Variants in ZC3H3 observed in about 807,000 individuals in gnomAD.
ZC3H3 encodes the protein zinc finger CCCH domain-containing protein 3.
ZC3H3 carries 36 observed loss-of-function variants against 77.3 expected under a neutral mutation model. The observed-to-expected ratio is 0.47, with a 90% CI of 0.36 to 0.61. The LOEUF is 0.61. Among genes scored for constraint, ZC3H3 ranks in the 20% least tolerant of loss-of-function variants. ZC3H3 has a pLI of 0.00. For missense variants in ZC3H3, 1,331 were observed against 1,312.2 expected (o/e 1.01, Z -0.22); for synonymous variants, 626 against 555.2 (o/e 1.13, Z -1.79).
Position 143,538,868 on chromosome 8 carries a change from G to A in ZC3H3, c.499C>T (p.Pro167Ser), listed in dbSNP as rs768569769. ...CTCGAGGGCTGCAGCTGTCCCCGAG[G>A]GGGCTCACCTTCACCTTCCCGGGGC... ...QRPREGEGEP[P>S]RGQLQPSRPT... is the part of the protein sequence containing the mutation. The change falls in exon 2 of 12, where the codon CCT becomes TCT. Residue 167 changes from proline (P) to serine (S), a missense_variant. Transcript: ENST00000262577. 2 of 1,612,552 alleles carry A rather than the reference G, an allele frequency of 1.2e-6. No homozygotes were observed. Among genetic ancestry groups the A allele is most frequent in the Non-Finnish European group, 1.7e-6 (2 of 1,179,774 alleles).
At chr8:143,497,736 G>A (rs1243312852) in intron 4 of ZC3H3, among the ~76,000 whole-genome samples, 1 of 152,238 alleles carries the variant, frequency 6.6e-6, no homozygotes, top group African/African-American at 2.4e-5. Context: ...AACCAGGGCC[G>A]TCGCTACATG....
intron 10 of ZC3H3, 85 bp downstream of exon 10, chr8:143,440,851 A>T: frequency 1.6e-6 from 2 of 1,290,022 alleles, no homozygotes; most frequent in South Asian, 2.4e-5. Context: ...AGTTGGCGGG[A>T]GCTCAACCAG....
chr8:143,497,532 C>T (rs1039200706), intron 4 of ZC3H3, among the ~76,000 whole-genome samples: 1 of 152,264 alleles, frequency 6.6e-6, no homozygotes, highest in African/African-American at 2.4e-5. Context: ...CCGCCTGCCC[C>T]TGTCCCATCC....
chr8:143,492,020 G>C (rs909432973), intron 4 of ZC3H3, among the ~76,000 whole-genome samples: 7 of 152,334 alleles, frequency 4.6e-5, no homozygotes, highest in African/African-American at 1.4e-4. Context: ...TCCCTGGGGA[G>C]GAGGGCAGAG....
At chr8:143,536,177 T>C (rs1822788534) in intron 3 of ZC3H3, 80 bp downstream of exon 3, 2 of 1,463,032 alleles carry the variant, frequency 1.4e-6, no homozygotes, top group Admixed American at 4.2e-5. Flanking sequence ...GCAGGGAAGG[T>C]GCCCATGGCT....
chr8:143,474,448 C>A (rs937656630), intron 5 of ZC3H3, among the ~76,000 whole-genome samples: 1 of 152,244 alleles, frequency 6.6e-6, no homozygotes, highest in Non-Finnish European at 1.5e-5. Flanking sequence ...GGTGCCAGGG[C>A]CCCCGTGCTG....
At chr8:143,461,975 CTTTTTTT>C (rs76981079) in intron 9 of ZC3H3, among the ~76,000 whole-genome samples, 1 of 140,738 alleles carries the variant, frequency 7.1e-6, no homozygotes, top group Non-Finnish European at 1.5e-5. Flanking sequence ...AGTTAAGCTG[CTTTTTTT>C]TTTTTTTTAA....
At chr8:143,500,423 T>G (rs774517350) in intron 4 of ZC3H3, among the ~76,000 whole-genome samples, 1 of 152,244 alleles carries the variant, frequency 6.6e-6, no homozygotes, top group African/African-American at 2.4e-5. Context: ...GGCCTGGGGC[T>G]GGCTGAGCAG....
intron 3 of ZC3H3, among the ~76,000 whole-genome samples, chr8:143,509,773 G>A (rs928843058): frequency 5.9e-5 from 9 of 152,174 alleles, no homozygotes; most frequent in Admixed American, 4.6e-4. Context: ...CGGGCCCCGG[G>A]GGTTCATGTT....
intron 9 of ZC3H3, among the ~76,000 whole-genome samples, chr8:143,453,258 G>GT (rs1323319350): frequency 1.6e-3 from 33 of 20,516 alleles, no homozygotes; most frequent in African/African-American, 3.5e-3. Context: ...TTGTTTTTTT[G>GT]TTTTTTTTTT....
chr8:143,513,210 C>T (rs1282422626), intron 3 of ZC3H3, among the ~76,000 whole-genome samples: 1 of 152,184 alleles, frequency 6.6e-6, no homozygotes, highest in African/African-American at 2.4e-5. Flanking sequence ...CAGGAAGCAC[C>T]TGCCAAGCGC....
chr8:143,448,599 A>G (rs939103738), intron 9 of ZC3H3, among the ~76,000 whole-genome samples: 3 of 152,250 alleles, frequency 2.0e-5, no homozygotes, highest in African/African-American at 7.2e-5. Context: ...CTCCGCCGCC[A>G]TGGCTCTGCA....
chr8:143,516,525 T>TCACACA lies in ZC3H3; in HGVS notation c.1562-8632_1562-8627dup, dbSNP rs57359541. ...GTCAGCGCGAAAGGAAACTTTGCAA[T>TCACACA]CACACACACACACACACACACACAC... On this transcript the variant is annotated intron_variant, in intron 3 of 11. Coordinates refer to ENST00000262577, the MANE Select transcript of ZC3H3 (RefSeq NM_015117.3). Among the ~76,000 whole-genome samples, 248 of 140,018 alleles carry TCACACA rather than the reference T, an allele frequency of 1.8e-3. 3 individuals are homozygous for TCACACA. The highest frequency in any genetic ancestry group is 3.5e-3 in the Middle Eastern group (1 of 284). 91.9% of individuals were successfully genotyped at this position (140,018 alleles called of 152,430 possible).
chr8:143,450,106 C>A (rs992162591), intron 9 of ZC3H3, among the ~76,000 whole-genome samples: 1 of 152,204 alleles, frequency 6.6e-6, no homozygotes, highest in Non-Finnish European at 1.5e-5. Context: ...ATCTATATAG[C>A]AATGCCTCAC....
Position 143,439,243 on chromosome 8 carries a change from C to T in ZC3H3, c.2815+798G>A, listed in dbSNP as rs563818443. Among the ~76,000 whole-genome samples the T allele has an allele frequency of 4.0e-4, 61 of 152,232 alleles. 1 individual carries two copies. The East Asian group carries it at 6.6e-3, about 16-fold the overall frequency. ...TCTGGCCACGGCTCCACGCCCCTGACGTGGAGGCTGTGAACAGGAGGCGGC... is the reference window on the plus strand; with the variant it reads ...TCTGGCCACGGCTCCACGCCCCTGATGTGGAGGCTGTGAACAGGAGGCGGC... On this transcript the variant is annotated intron_variant, in intron 11 of 11. Coordinates refer to ENST00000262577, the MANE Select transcript of ZC3H3 (RefSeq NM_015117.3).
Position 143,437,674 on chromosome 8 carries a change from T to C in ZC3H3, c.*382A>G. ...AGCCAACCAGTTACGGATAGAACCTTTATTGCTGAACATAAAACACCTGCC... is the reference window on the plus strand; with the variant it reads ...AGCCAACCAGTTACGGATAGAACCTCTATTGCTGAACATAAAACACCTGCC... On this transcript the variant is annotated 3_prime_UTR_variant, in exon 12 of 12. Transcript: ENST00000262577. 1 of 306,822 alleles carries C rather than the reference T, an allele frequency of 3.3e-6. No homozygotes were observed. 19.0% of individuals were successfully genotyped at this position (306,822 alleles called of 1,614,324 possible). A position where few individuals can be genotyped will look rare whatever the true frequency, so the allele number is the denominator to read the frequency against.
chr8:143,481,495 C>T (rs1820906814), intron 4 of ZC3H3, among the ~76,000 whole-genome samples: 1 of 152,150 alleles, frequency 6.6e-6, no homozygotes, highest in Admixed American at 6.5e-5. Context: ...GAGGCGAGGC[C>T]AGCAGAGGGG....
rs745966772 is a variant in ZC3H3, at chr8:143,536,285, C to T, written c.1533G>A (p.Pro511=). ...VTTHRLCRLP[P]SRAHLPTKEA... ...CCTTGGTGGGGAGGTGGGCCCGGCTCGGTGGCAGGCGACATAGTCGGTGCG... is the reference window on the plus strand; with the variant it reads ...CCTTGGTGGGGAGGTGGGCCCGGCTTGGTGGCAGGCGACATAGTCGGTGCG... The change falls in exon 3 of 12, where the codon CCG becomes CCA. Residue 511 remains proline (P), a synonymous_variant. Coordinates refer to ENST00000262577, the MANE Select transcript of ZC3H3 (RefSeq NM_015117.3). 40 of 1,611,612 alleles carry T rather than the reference C, an allele frequency of 2.5e-5. No homozygotes were observed. The highest frequency in any genetic ancestry group is 7.7e-5 in the South Asian group (7 of 90,834).
At chr8:143,453,046 T>A (rs1820027147) in intron 9 of ZC3H3, among the ~76,000 whole-genome samples, 1 of 152,104 alleles carries the variant, frequency 6.6e-6, no homozygotes, top group Non-Finnish European at 1.5e-5. Flanking sequence ...ACAGTGAAAG[T>A]TAAAGACAAA....
Sources: gnomAD v4.1 joint callset for allele counts (sites outside exome capture counted in the v4.1 genomes callset) on GRCh38, gnomAD v4.1.1 for gene constraint, MANE v1.5 for transcripts, NCBI Gene and HGNC (gene_info 2026-07-23, HGNC 2026-07-21) for gene names.